KLHL1: variants seen among roughly 807,000 people sequenced by gnomAD.
KLHL1 encodes the protein kelch-like protein 1.
Under a neutral mutation model 77.7 loss-of-function variants are expected in KLHL1, and 47 were observed. The observed-to-expected ratio is 0.60, with a 90% CI of 0.48 to 0.77. The LOEUF is 0.77. KLHL1 is among the 30% of genes least tolerant of loss of function. The pLI, the probability that KLHL1 is intolerant of heterozygous loss-of-function variation, is 0.00. For missense variants in KLHL1, 925 were observed against 910.8 expected, an observed-to-expected ratio of 1.02 and a Z score of -0.20; for synonymous variants, 360 against 325.2, an observed-to-expected ratio of 1.11 and a Z score of -1.15.
chr13:69,857,226 C>T (rs572282750), intron 5 of KLHL1, among the ~76,000 whole-genome samples: 1 of 152,116 alleles, frequency 6.6e-6, no homozygotes, highest in Admixed American at 6.6e-5. Context: ...TACTTAAAAA[C>T]TCTCCTTCCT....
chr13:70,098,448 A>G (rs796899711), intron 1 of KLHL1, among the ~76,000 whole-genome samples: 15 of 152,008 alleles, frequency 9.9e-5, no homozygotes, highest in African/African-American at 3.6e-4. Flanking sequence ...TTTACATTAT[A>G]CTAATGCATG....
At chr13:70,010,047 G>A (rs1885495969) in intron 1 of KLHL1, among the ~76,000 whole-genome samples, 1 of 152,044 alleles carries the variant, frequency 6.6e-6, no homozygotes, top group Admixed American at 6.6e-5. Context: ...AAAAAGCAAG[G>A]CATGAGAATT....
At chr13:69,856,672 G>A (rs1879933046) in intron 5 of KLHL1, among the ~76,000 whole-genome samples, 2 of 151,918 alleles carry the variant, frequency 1.3e-5, no homozygotes, top group African/African-American at 4.8e-5. Flanking sequence ...ACACTATACT[G>A]TAATCTTACA....
At chr13:70,099,064 G>T (rs1301736060) in intron 1 of KLHL1, among the ~76,000 whole-genome samples, 1 of 151,634 alleles carries the variant, frequency 6.6e-6, no homozygotes, top group African/African-American at 2.4e-5. Flanking sequence ...ACAGAAAACG[G>T]TCTTATAATT....
At chr13:69,952,384 A>G (rs1883736793) in intron 3 of KLHL1, among the ~76,000 whole-genome samples, 1 of 151,334 alleles carries the variant, frequency 6.6e-6, no homozygotes, top group Admixed American at 6.6e-5. Flanking sequence ...ACTGAATCCC[A>G]TTACCAGTCT....
intron 6 of KLHL1, among the ~76,000 whole-genome samples, chr13:69,818,177 A>G (rs1593858692): frequency 6.6e-6 from 1 of 150,876 alleles, no homozygotes; most frequent in African/African-American, 2.4e-5. Context: ...AAACACTCAC[A>G]GGGGATGACA....
At chr13:69,719,313 G>A (rs963155929) in intron 9 of KLHL1, 56 bp downstream of exon 9, 142 of 1,429,506 alleles carry the variant, frequency 9.9e-5, no homozygotes, top group Middle Eastern at 7.2e-4. Flanking sequence ...CTTGAATCAG[G>A]CATCAATGTG....
chr13:69,872,188 A>C (rs1284227497), intron 5 of KLHL1, among the ~76,000 whole-genome samples: 2 of 152,170 alleles, frequency 1.3e-5, no homozygotes, highest in Non-Finnish European at 2.9e-5. Flanking sequence ...CAGAAGGTGA[A>C]GGTAAGCCAG....
intron 3 of KLHL1, among the ~76,000 whole-genome samples, chr13:69,955,944 T>TTTATATATATTTGATATATATTTA (rs1883855003): frequency 1.5e-5 from 2 of 133,970 alleles, no homozygotes; most frequent in East Asian, 2.1e-4. Context: ...TGATATATAT[T>TTTATATATATTTGATATATATTTA]TATATATATA....
rs1351709826 is a variant in KLHL1, at chr13:69,829,681, A to T, written c.1414+9295T>A. Reference sequence around the variant, plus strand: ...AGAAAGGTGAAAAACAAGGTAAAAAAATTAAAGAGCTGTGAGGCAAAGCAT... The same window carrying T: ...AGAAAGGTGAAAAACAAGGTAAAAATATTAAAGAGCTGTGAGGCAAAGCAT... On this transcript the variant is annotated intron_variant, in intron 6 of 10. Transcript: ENST00000377844. 1.3e-5 allele frequency among the ~76,000 whole-genome samples: 2 copies of T among 149,918 alleles called. 1 individual carries two copies. The highest frequency in any genetic ancestry group is 1.3e-4 in the Admixed American group (2 of 14,988).
At chr13:69,911,933 C>T (rs915990366) in intron 4 of KLHL1, among the ~76,000 whole-genome samples, 24 of 152,220 alleles carry the variant, frequency 1.6e-4, no homozygotes, top group Admixed American at 9.2e-4. Context: ...ATTTAAATAA[C>T]ACGAAGAGTG....
chr13:69,806,599 A>T (rs142376747), intron 6 of KLHL1, among the ~76,000 whole-genome samples: 16 of 152,044 alleles, frequency 1.1e-4, no homozygotes, highest in Non-Finnish European at 1.8e-4. Flanking sequence ...ACGTGGGGAA[A>T]CAATAAGATA....
At chr13:69,949,330 T>A (rs918502800) in intron 3 of KLHL1, among the ~76,000 whole-genome samples, 2 of 151,826 alleles carry the variant, frequency 1.3e-5, no homozygotes, top group Non-Finnish European at 2.9e-5. Flanking sequence ...TTCCTTTTTT[T>A]AATGATTTTG....
chr13:70,103,469 C>T lies in KLHL1; in HGVS notation c.497+3734G>A, dbSNP rs375379857. Among the ~76,000 whole-genome samples, 22 of 152,086 alleles carry T rather than the reference C, an allele frequency of 1.4e-4. No individual in the cohort carries two copies. In the East Asian group the frequency reaches 3.1e-3, roughly 21 times the overall value. ...GTGAGGGATGTGGAAAAATATTTCA[C>T]CATTCTTAATTTTTATTGACTTCAG... is the stretch of plus-strand genomic sequence containing the variant. On this transcript the variant is annotated intron_variant, in intron 1 of 10. Transcript: ENST00000377844.
chr13:70,055,827 A>T (rs1886731598), intron 1 of KLHL1, among the ~76,000 whole-genome samples: 1 of 152,132 alleles, frequency 6.6e-6, no homozygotes, highest in Non-Finnish European at 1.5e-5. Flanking sequence ...AAGTGCACAA[A>T]AAAATAAAAA....
intron 6 of KLHL1, among the ~76,000 whole-genome samples, chr13:69,809,093 G>C (rs9634958): frequency 6.6e-6 from 1 of 151,716 alleles, no homozygotes; most frequent in Non-Finnish European, 1.5e-5. Context: ...TGATATTAGC[G>C]TACCTGGGAG....
At chr13:69,755,640 A>T (rs2137955912) in intron 7 of KLHL1, among the ~76,000 whole-genome samples, 1 of 151,726 alleles carries the variant, frequency 6.6e-6, no homozygotes, top group Non-Finnish European at 1.5e-5. Context: ...TCATCTCCAA[A>T]GTAATTTTAA....
At chr13:70,095,527 TAA>T (rs894178268) in intron 1 of KLHL1, among the ~76,000 whole-genome samples, 3 of 152,140 alleles carry the variant, frequency 2.0e-5, no homozygotes, top group African/African-American at 7.2e-5. Context: ...CAAGAATATT[TAA>T]GTTTTTAATT....
chr13:69,743,311 C>T (rs780103884), intron 7 of KLHL1, among the ~76,000 whole-genome samples: 29 of 151,998 alleles, frequency 1.9e-4, no homozygotes, highest in Non-Finnish European at 3.8e-4. Flanking sequence ...GGTTAGGTGG[C>T]GGTAGGGAGA....
Sources: gnomAD v4.1 joint callset for allele counts (sites outside exome capture counted in the v4.1 genomes callset) on GRCh38, gnomAD v4.1.1 for gene constraint, MANE v1.5 for transcripts, NCBI Gene and HGNC (gene_info 2026-07-23, HGNC 2026-07-21) for gene names.